SBK2: variants seen among roughly 807,000 people sequenced by gnomAD.
SBK2 encodes SH3 domain binding kinase family member 2.
Under a neutral mutation model 15.9 loss-of-function variants are expected in SBK2, and 18 were observed. The observed-to-expected ratio is 1.13, with a 90% confidence interval of 0.78 to 1.68. The LOEUF is 1.68. Among genes scored for constraint, SBK2 ranks in the 40% most tolerant of loss-of-function variants. The pLI, the probability that SBK2 is intolerant of heterozygous loss-of-function variation, is 0.00. For synonymous variants in SBK2, 284 were observed against 246.8 expected, an observed-to-expected ratio of 1.15 and a Z score of -1.41; for missense variants, 581 against 510.9, an observed-to-expected ratio of 1.14 and a Z score of -1.32.
chr19:55,531,479 C>G, intron 2 of SBK2, 134 bp from the exon 3 acceptor site: 1 of 680,688 alleles, frequency 1.5e-6, no homozygotes, highest in East Asian at 2.7e-5. Flanking sequence ...CCACCTCCTC[C>G]AACTCCCACC....
rs935026083 is a variant in SBK2 at position 55,530,128 on chromosome 19, C to G, written c.652G>C (p.Gly218Arg). Residue 218 changes from glycine (G) to arginine (R), a missense_variant, in exon 4 of 4, where the codon GGG becomes CGG. Physicochemically the swap from Gly to Arg is moderately radical, Grantham distance 125 (BLOSUM62 -2). Transcript: ENST00000413299. ...GGGGCCGTGTAGGGGATGGGCGGCC[C>G]GGCCAGGCGCAGCAGCGTCCCGCGA... is the stretch of plus-strand genomic sequence containing the variant. ...RPRGTLLRLA[G>R]PPIPYTAPEL... 1 of 1,463,872 alleles carries G rather than the reference C, an allele frequency of 6.8e-7. No individual in the cohort carries two copies. Among genetic ancestry groups the G allele is most frequent in the Admixed American group, 2.5e-5 (1 of 39,490 alleles). 90.7% of individuals were successfully genotyped at this position (1,463,872 alleles called of 1,614,324 possible). A position where few individuals can be genotyped will look rare whatever the true frequency, so the allele number is the denominator to read the frequency against.
At position 55,529,975 on chromosome 19, in the gene SBK2, C is replaced by T; in HGVS notation, c.805G>A (p.Glu269Lys). The change falls in exon 4 of 4, where the codon GAG becomes AAG. Residue 269 changes from glutamate to lysine, a missense_variant. By Grantham distance (56) the Glu-to-Lys change is moderately conservative. Coordinates refer to ENST00000413299, the MANE Select transcript of SBK2 (RefSeq NM_001370096.2). ...GYFPWDRPLA[E>K]ADPFYEDFLI... The stretch of plus-strand genomic sequence containing the variant: ...AAGTCCTCGTAGAAGGGGTCGGCCT[C>T]GGCCAGGGGCCGGTCCCAGGGGAAG... 1 of 1,527,122 alleles carries T rather than the reference C, an allele frequency of 6.5e-7. No individual in the cohort carries two copies. The allele number at this position is 1,527,122 out of a possible 1,614,324, so 94.6% of individuals were successfully genotyped here. A position where few individuals can be genotyped will look rare whatever the true frequency, so the allele number is the denominator to read the frequency against.
intron 1 of SBK2, among the ~76,000 whole-genome samples, chr19:55,536,612 G>T (rs1020876121): frequency 1.3e-5 from 2 of 150,138 alleles, no homozygotes; most frequent in East Asian, 4.0e-4. Flanking sequence ...TGGATGAGTA[G>T]ACTCTGTCTC....
Position 55,529,642 on chromosome 19 carries a change from G to A in SBK2, c.*91C>T. On this transcript the variant is annotated 3_prime_UTR_variant, in exon 4 of 4. Coordinates refer to ENST00000413299, the MANE Select transcript of SBK2 (RefSeq NM_001370096.2). ...CGCCGAGGGGAATCCCAAGCCCCAT[G>A]GATGAAAACACACCGAGGAGACACC... 6.8e-7 allele frequency: 1 copy of A among 1,480,498 alleles called. No individual in the cohort carries two copies. Among genetic ancestry groups the A allele is most frequent in the Non-Finnish European group, 8.9e-7 (1 of 1,118,374 alleles). 91.7% of individuals were successfully genotyped at this position (1,480,498 alleles called of 1,614,324 possible).
In SBK2 at chr19:55,528,895, A is replaced by C. The variant is rs1988174080; in HGVS notation, c.*838T>G. Among the ~76,000 whole-genome samples the C allele has an allele frequency of 6.6e-6, 1 of 152,220 alleles. No individual in the cohort carries two copies. ...CTCCAGGAGCTCACAAAATAACCACAAAAAATAAGCCATGCAGTTAGAAGA... is the reference window on the plus strand; with the variant it reads ...CTCCAGGAGCTCACAAAATAACCACCAAAAATAAGCCATGCAGTTAGAAGA... On this transcript the variant is annotated 3_prime_UTR_variant, in exon 4 of 4. Coordinates refer to ENST00000413299, the MANE Select transcript of SBK2 (RefSeq NM_001370096.2).
At chr19:55,533,695 A>C (rs1223462595) in intron 2 of SBK2, among the ~76,000 whole-genome samples, 1 of 142,666 alleles carries the variant, frequency 7.0e-6, no homozygotes, top group Non-Finnish European at 1.5e-5. Flanking sequence ...AAAAAAAAAA[A>C]AAAGAAAAAG....
chr19:55,532,732 C>T (rs555089901), intron 2 of SBK2, among the ~76,000 whole-genome samples: 1 of 151,976 alleles, frequency 6.6e-6, no homozygotes, highest in African/African-American at 2.4e-5. Flanking sequence ...CCCTGAGTAG[C>T]TGGGACTACA....
chr19:55,533,650 A>G (rs1362979227), intron 2 of SBK2, among the ~76,000 whole-genome samples: 1 of 6,686 alleles, frequency 1.5e-4, no homozygotes, highest in Non-Finnish European at 2.9e-4. Context: ...ACAGAGCGAG[A>G]CTCCGTCTCA....
Position 55,530,166 on chromosome 19 carries a change from C to CCGAAGT in SBK2, c.608_613dup (p.Asp203_Phe204dup). 2.6e-6 allele frequency: 4 copies of CCGAAGT among 1,523,988 alleles called. No individual in the cohort carries two copies. Among genetic ancestry groups the CCGAAGT allele is most frequent in the Non-Finnish European group, 3.5e-6 (4 of 1,136,768 alleles). 94.4% of individuals were successfully genotyped at this position (1,523,988 alleles called of 1,614,324 possible). A position where few individuals can be genotyped will look rare whatever the true frequency, so the allele number is the denominator to read the frequency against. ...CAGCGTCCCGCGAGGCCTCGTGTGG[C>CCGAAGT]CGAAGTCGGTCAGCTTGAAGCGCCG... On this transcript the variant is annotated inframe_insertion, in exon 4 of 4. Transcript: ENST00000413299.
chr19:55,528,710 G>A lies in SBK2; in HGVS notation c.*1023C>T, dbSNP rs1312829703. Among the ~76,000 whole-genome samples, 2 of 152,160 alleles carry A rather than the reference G, an allele frequency of 1.3e-5. No homozygotes were observed. Among genetic ancestry groups the A allele is most frequent in the African/African-American group, 2.4e-5 (1 of 41,426 alleles). On this transcript the variant is annotated 3_prime_UTR_variant, in exon 4 of 4. Transcript: ENST00000413299. Reference sequence around the variant, plus strand: ...TGCCAGGTGGGAGGGAGACCCGGCCGGAGAGAAGGAGAGAGGACGGCGGGA... The same window carrying A: ...TGCCAGGTGGGAGGGAGACCCGGCCAGAGAGAAGGAGAGAGGACGGCGGGA...
At chr19:55,530,493 A>G (rs1988227878) in intron 3 of SBK2, among the ~76,000 whole-genome samples, 170 bp from the exon 4 acceptor site, 1 of 38,950 alleles carries the variant, frequency 2.6e-5, no homozygotes, top group African/African-American at 4.6e-5. Flanking sequence ...GCCTAGGGTG[A>G]CCCCGTGAGG....
intron 1 of SBK2, 59 bp from the exon 2 acceptor site, chr19:55,536,355 T>TCCTGGGTCTGAGGGAGGAGGGGCC: frequency 3.0e-6 from 4 of 1,343,180 alleles, no homozygotes; most frequent in South Asian, 1.8e-5. Flanking sequence ...AGGAGGGGAC[T>TCCTGGGTCTGAGGGAGGAGGGGCC]GGGGGTCTGG....
At position 55,529,968 on chromosome 19, in the gene SBK2, TCGGCCTCGGCCAGGGGC is replaced by T; in HGVS notation, c.795_811del (p.Ala268LeufsTer225). On this transcript the variant is annotated frameshift_variant, in exon 4 of 4. Transcript: ENST00000413299. LOFTEE classifies it low-confidence loss of function (END_TRUNC). The stretch of plus-strand genomic sequence containing the variant: ...GATGAGGAAGTCCTCGTAGAAGGGG[TCGGCCTCGGCCAGGGGC>T]CGGTCCCAGGGGAAGTAGCCCGTGA... 1 of 1,527,586 alleles carries T rather than the reference TCGGCCTCGGCCAGGGGC, an allele frequency of 6.5e-7. No homozygotes were observed. The highest frequency in any genetic ancestry group is 8.8e-7 in the Non-Finnish European group (1 of 1,139,430). 94.6% of individuals were successfully genotyped at this position (1,527,586 alleles called of 1,614,324 possible).
intron 2 of SBK2, 58 bp downstream of exon 2, chr19:55,535,984 C>G (rs1456669628): frequency 7.1e-7 from 1 of 1,413,564 alleles, no homozygotes; most frequent in Non-Finnish European, 9.3e-7. Flanking sequence ...TGGGCTACCC[C>G]AGGCCCGTGC....
At position 55,530,477 on chromosome 19, in the gene SBK2, AGTGTGGCCTAGGGTGACCCC is replaced by A. The variant is rs1293491997; in HGVS notation, c.457-174_457-155del. On this transcript the variant is annotated intron_variant, in intron 3 of 3. Transcript: ENST00000413299. ...TGTGACCTGTGAGGCCTGCGGGTTT[AGTGTGGCCTAGGGTGACCCC>A]GTGAGGCCTAGTGTGACCTGTGAGG... 1.7e-5 allele frequency among the ~76,000 whole-genome samples: 2 copies of A among 116,536 alleles called. 1 individual carries two copies. Among genetic ancestry groups the A allele is most frequent in the Non-Finnish European group, 3.8e-5 (2 of 52,462 alleles). The allele number at this position is 116,536 out of a possible 152,430, so 76.5% of individuals were successfully genotyped here.
In SBK2 at chr19:55,536,155, G is replaced by T. The variant is rs201950122; in HGVS notation, c.140C>A (p.Thr47Lys). ...EAARALEDMM[T>K]LSAQTLVRAE... ...TCGGACCAGGGTCTGAGCACTCAGC[G>T]TCATCATGTCCTCCAGCGCGCGGGC... is the stretch of plus-strand genomic sequence containing the variant. The change falls in exon 2 of 4, where the codon ACG becomes AAG. Residue 47 changes from threonine to lysine, a missense_variant. Transcript: ENST00000413299. 12 of 1,602,530 alleles carry T rather than the reference G, an allele frequency of 7.5e-6. No individual in the cohort carries two copies. In the African/African-American group the frequency reaches 1.5e-4, roughly 20 times the overall value.
rs1988411458 is a variant in SBK2 at position 55,536,543 on chromosome 19, C to G, written c.-2-247G>C. On this transcript the variant is annotated intron_variant, in intron 1 of 3. Transcript: ENST00000413299. ...GCCCACCCTGAGGTTGAAAGATGAA[C>G]CAGATAACTGAGACTCCCCCATCTT... Among the ~76,000 whole-genome samples the G allele has an allele frequency of 2.0e-5, 3 of 149,428 alleles. No individual in the cohort carries two copies. In the South Asian group the frequency reaches 6.8e-4, roughly 34 times the overall value.
Position 55,530,780 on chromosome 19 carries a change from T to G in SBK2, c.456+363A>C, listed in dbSNP as rs62127064. On this transcript the variant is annotated intron_variant, in intron 3 of 3. Transcript: ENST00000413299. ...ACCCGTGAGGCCTGTGGGTTTAGTGTGGCCTAGTGTGACCTGTGAGGCCTG... is the reference window on the plus strand; with the variant it reads ...ACCCGTGAGGCCTGTGGGTTTAGTGGGGCCTAGTGTGACCTGTGAGGCCTG... Among the ~76,000 whole-genome samples the G allele has an allele frequency of 3.0e-3, 39 of 12,916 alleles. 7 individuals carry two copies. Among genetic ancestry groups the G allele is most frequent in the Non-Finnish European group, 5.0e-3 (12 of 2,406 alleles). The allele number at this position is 12,916 out of a possible 152,430, so 8.5% of individuals were successfully genotyped here. A position where few individuals can be genotyped will look rare whatever the true frequency, so the allele number is the denominator to read the frequency against.
Position 55,529,521 on chromosome 19 carries a change from G to A in SBK2, c.*212C>T, listed in dbSNP as rs1054690878. Among the ~76,000 whole-genome samples the A allele has an allele frequency of 6.6e-6, 1 of 152,132 alleles. No homozygotes were observed. The highest frequency in any genetic ancestry group is 1.5e-5 in the Non-Finnish European group (1 of 68,016). ...GCCACGCGGAGGTCTGAGACCCTGG[G>A]GAAGGTGGCGGCAGGTATGGAGGGA... On this transcript the variant is annotated 3_prime_UTR_variant, in exon 4 of 4. Transcript: ENST00000413299.
Sources: gnomAD v4.1 joint callset for allele counts (sites outside exome capture counted in the v4.1 genomes callset) on GRCh38, gnomAD v4.1.1 for gene constraint, MANE v1.5 for transcripts, NCBI Gene and HGNC (gene_info 2026-07-23, HGNC 2026-07-21) for gene names.